Variants in TCF3 observed in about 807,000 individuals in gnomAD.
TCF3 encodes the protein transcription factor E2-alpha.
A neutral mutation model predicts 72.3 loss-of-function variants in TCF3; 54 were observed. That is an observed-to-expected ratio of 0.75 (90% CI 0.60 to 0.94). TCF3 has a LOEUF of 0.94. TCF3 is among the 40% of genes least tolerant of loss of function. The probability of loss-of-function intolerance (pLI) is 0.00; values close to 1 mark genes in which losing one functional copy is unlikely to be tolerated. For missense variants in TCF3, 1,078 were observed against 934.4 expected (o/e 1.15, Z -2.00); for synonymous variants, 525 against 412.6 (o/e 1.27, Z -3.30).
chr19:1,620,943 C>T, intron 13 of TCF3, 25 bp downstream of exon 13: 1 of 1,469,204 alleles, frequency 6.8e-7, no homozygotes, highest in South Asian at 1.4e-5. Flanking sequence ...CCTCAGCCTC[C>T]CCTCCCCCCA....
chr19:1,645,058 G>C (rs1453630889), intron 3 of TCF3, among the ~76,000 whole-genome samples: 1 of 152,066 alleles, frequency 6.6e-6, no homozygotes, highest in African/African-American at 2.4e-5. Context: ...ACGTAGAGGG[G>C]AAGGCCAGTG....
At chr19:1,616,306 C>T (rs984170570) in intron 16 of TCF3, among the ~76,000 whole-genome samples, 3 of 151,986 alleles carry the variant, frequency 2.0e-5, no homozygotes, top group African/African-American at 7.3e-5. Flanking sequence ...AACCCCATCT[C>T]TACTAAAAAT....
At chr19:1,645,595 G>T (rs146388807) in intron 3 of TCF3, among the ~76,000 whole-genome samples, 8 of 152,186 alleles carry the variant, frequency 5.3e-5, no homozygotes, top group Non-Finnish European at 1.0e-4. Context: ...GCTCTGCCCC[G>T]ACACGCCCTC....
rs764633428 is a variant in TCF3 at position 1,619,836 on chromosome 19, G to C, written c.1111C>G (p.Arg371Gly). The C allele has an allele frequency of 2.9e-5, 45 of 1,578,532 alleles. 1 individual carries two copies. In the South Asian group the frequency reaches 3.8e-4, roughly 13 times the overall value. ...QGLAGTSQWP[R>G]AGAPGALSPS... ...GATAAGGCACCGGGGGCTCCTGCTCGAGGCCACTGTGACGTTCCTGGAAGG... is the reference window on the plus strand; with the variant it reads ...GATAAGGCACCGGGGGCTCCTGCTCCAGGCCACTGTGACGTTCCTGGAAGG... Residue 371 changes from arginine (R) to glycine (G), a missense_variant, in exon 14 of 19, where the codon CGA (arginine) becomes GGA (glycine). Coordinates refer to ENST00000262965, the MANE Select transcript of TCF3 (RefSeq NM_003200.5).
rs958197903 is a variant in TCF3, at chr19:1,614,041, C to T, written c.1822+1244G>A. ...CTGCATGGCCCTGCATGGGTGACCT[C>T]GCTCTGTTCCCTGGCTTCCTACTTG... On this transcript the variant is annotated intron_variant, in intron 18 of 18. Coordinates refer to ENST00000262965, the MANE Select transcript of TCF3 (RefSeq NM_003200.5). The surrounding 1 kb of genome is among the most constrained non-coding windows in gnomAD (Gnocchi z 5.6). 1.3e-5 allele frequency among the ~76,000 whole-genome samples: 2 copies of T among 152,274 alleles called. No homozygotes were observed. Among genetic ancestry groups the T allele is most frequent in the African/African-American group, 2.4e-5 (1 of 41,470 alleles).
intron 7 of TCF3, 29 bp from the exon 8 acceptor site, chr19:1,624,029 G>A: frequency 1.2e-6 from 2 of 1,611,078 alleles, no homozygotes; most frequent in Middle Eastern, 1.7e-4. Context: ...GTGAGAACCG[G>A]CCACCGGCCA....
At chr19:1,642,283 C>T (rs905145111) in intron 3 of TCF3, among the ~76,000 whole-genome samples, 1 of 147,818 alleles carries the variant, frequency 6.8e-6, no homozygotes, top group Non-Finnish European at 1.5e-5. Flanking sequence ...CACGCACAGA[C>T]GCGCACACGC....
At chr19:1,646,207 C>T in intron 3 of TCF3, 148 bp downstream of exon 3, 1 of 864,728 alleles carries the variant, frequency 1.2e-6, no homozygotes, top group South Asian at 1.8e-5. Context: ...CAGGGGTCTT[C>T]AGGCTCGCTG....
At chr19:1,643,491 GATT>G (rs1180447149) in intron 3 of TCF3, among the ~76,000 whole-genome samples, 2 of 152,036 alleles carry the variant, frequency 1.3e-5, no homozygotes, top group Non-Finnish European at 2.9e-5. Flanking sequence ...AAAGTGCTGG[GATT>G]ATAGGCATGA....
chr19:1,622,550 CTTTAGGTAAATCCCAGCCCCT>C (rs1051270325), intron 8 of TCF3, 135 bp from the exon 9 acceptor site: 3 of 535,674 alleles, frequency 5.6e-6, no homozygotes, highest in Non-Finnish European at 9.6e-6. Flanking sequence ...AGCCACCCCC[CTTTAGGTAAATCCCAGCCCCT>C]GGCCAAGTTT....
Position 1,626,583 on chromosome 19 carries a change from G to A in TCF3, c.366+776C>T, listed in dbSNP as rs559186543. Among the ~76,000 whole-genome samples the A allele has an allele frequency of 9.2e-5, 14 of 152,264 alleles. 1 individual carries two copies. In the South Asian group the frequency reaches 2.9e-3, roughly 32 times the overall value. On this transcript the variant is annotated intron_variant, in intron 6 of 18. Transcript: ENST00000262965. ...ACCCTGTGTGGCCACCGCGGGGCTC[G>A]ATGAGTCACCCGGGAGCGCCAGAGA...
chr19:1,639,753 A>G (rs1283889029), intron 3 of TCF3, among the ~76,000 whole-genome samples: 1 of 140,680 alleles, frequency 7.1e-6, no homozygotes, highest in African/African-American at 2.8e-5. Flanking sequence ...GAAATTAGGA[A>G]AAAAAAAAAA....
chr19:1,639,234 G>T (rs534975267), intron 3 of TCF3, among the ~76,000 whole-genome samples: 2 of 152,320 alleles, frequency 1.3e-5, no homozygotes, highest in Admixed American at 1.3e-4. Context: ...AGTAGAGATG[G>T]AGTTTCGCCC....
rs564123109 is a variant in TCF3, at chr19:1,637,886, G to A, written c.146-5481C>T. On this transcript the variant is annotated intron_variant, in intron 3 of 18. Transcript: ENST00000262965. ...ATCGTGCCACTGCACTCCAGCCTGG[G>A]CAATAGAGCGAGACTCCACCTCAAA... Among the ~76,000 whole-genome samples the A allele has an allele frequency of 2.6e-5, 4 of 152,018 alleles. No individual in the cohort carries two copies. The East Asian group carries it at 7.7e-4, about 29-fold the overall frequency.
Position 1,611,772 on chromosome 19 carries a change from G to A in TCF3, c.1900C>T (p.Gln634Ter). 6.2e-7 allele frequency: 1 copy of A among 1,613,802 alleles called. No homozygotes were observed. The highest frequency in any genetic ancestry group is 8.5e-7 in the Non-Finnish European group (1 of 1,179,990). ...GGGTGGGGAGCTGAAAGCACCATCT[G>A]GGGGTCTCCAACCACACCTGACACC... is the stretch of plus-strand genomic sequence containing the variant. ...EKVSGVVGDP[Q>*]MVLSAPHPGL... Residue 634 changes from glutamine to a stop codon, truncating the protein, a stop_gained, in exon 19 of 19, where the codon CAG becomes TAG. Transcript: ENST00000262965. LOFTEE classifies it low-confidence loss of function (END_TRUNC).
chr19:1,630,144 C>G (rs1012782680), intron 5 of TCF3, among the ~76,000 whole-genome samples: 2 of 152,222 alleles, frequency 1.3e-5, no homozygotes, highest in Non-Finnish European at 2.9e-5. Context: ...TGGGAACTGC[C>G]CACGTCAGCC....
chr19:1,630,752 G>A (rs2063605732), intron 5 of TCF3, among the ~76,000 whole-genome samples: 1 of 152,210 alleles, frequency 6.6e-6, no homozygotes, highest in Admixed American at 6.5e-5. Context: ...GGGGCAGGAG[G>A]CTGACCACGA....
At chr19:1,646,449 C>T (rs1379937385) in intron 2 of TCF3, 22 bp from the exon 3 acceptor site, 30 of 1,499,446 alleles carry the variant, frequency 2.0e-5, no homozygotes, top group Admixed American at 4.0e-5. Context: ...GGAGGGGAGA[C>T]GTGAGCGGGG....
intron 8 of TCF3, among the ~76,000 whole-genome samples, 182 bp downstream of exon 8, chr19:1,623,769 G>A (rs1217061916): frequency 6.6e-6 from 1 of 152,154 alleles, no homozygotes; most frequent in Non-Finnish European, 1.5e-5. Context: ...CCTAGGGAAG[G>A]ACTTCCCCGC....
Sources: gnomAD v4.1 joint callset for allele counts (sites outside exome capture counted in the v4.1 genomes callset) on GRCh38, gnomAD v4.1.1 for gene constraint, Gnocchi (gnomAD v3.1) non-coding constraint, MANE v1.5 for transcripts, NCBI Gene and HGNC (gene_info 2026-07-23, HGNC 2026-07-21) for gene names.